The following BMP2K variants were observed in gnomAD, a reference collection of about 807,000 sequenced individuals.
BMP2K encodes the protein BMP-2-inducible protein kinase.
A neutral mutation model predicts 116.0 loss-of-function variants in BMP2K; 74 were observed. That is an observed-to-expected ratio of 0.64 (90% CI 0.53 to 0.77). BMP2K has a LOEUF of 0.77. BMP2K is among the 30% of genes least tolerant of loss of function. The pLI, the probability that BMP2K is intolerant of heterozygous loss-of-function variation, is 0.00. For missense variants in BMP2K, 1,365 were observed against 1,403.6 expected (o/e 0.97, Z 0.44); for synonymous variants, 486 against 502.5 (o/e 0.97, Z 0.44).
In BMP2K at chr4:78,911,624, G is replaced by A. The variant is rs1156649928; in HGVS notation, c.3077G>A (p.Arg1026His). Residue 1026 changes from arginine to histidine, a missense_variant, in exon 16 of 16, where the codon CGC becomes CAC. Coordinates refer to ENST00000502613, the MANE Select transcript of BMP2K (RefSeq NM_198892.2). ...ERARRHKKVG[R>H]RDSQSSNEFL... The stretch of plus-strand genomic sequence containing the variant: ...GCTCGCAGGCACAAAAAAGTGGGCC[G>A]CCGAGACTCTCAAAGTAGCAATGAA... The A allele has an allele frequency of 5.6e-6, 9 of 1,613,832 alleles. No individual in the cohort carries two copies. The highest frequency in any genetic ancestry group is 2.2e-5 in the East Asian group (1 of 44,886).
intron 9 of BMP2K, among the ~76,000 whole-genome samples, chr4:78,861,728 T>G (rs915974445): frequency 7.2e-5 from 11 of 152,030 alleles, no homozygotes; most frequent in African/African-American, 2.4e-4. Flanking sequence ...GCGGGTCTTT[T>G]TTTTGGACAG....
intron 5 of BMP2K, 68 bp downstream of exon 5, chr4:78,845,117 C>A: frequency 7.7e-7 from 1 of 1,296,766 alleles, no homozygotes; most frequent in African/African-American, 1.5e-5. Context: ...CTGGCCAGCA[C>A]TGCTAATACA....
chr4:78,829,640 T>C (rs1196667138), intron 2 of BMP2K, among the ~76,000 whole-genome samples: 1 of 152,164 alleles, frequency 6.6e-6, no homozygotes, highest in Non-Finnish European at 1.5e-5. Flanking sequence ...TCATTATTTA[T>C]GGCAGCTATA....
chr4:78,859,836 A>G, intron 8 of BMP2K, 149 bp downstream of exon 8: 1 of 627,580 alleles, frequency 1.6e-6, no homozygotes, highest in Non-Finnish European at 2.7e-6. Flanking sequence ...TGTGTTTGAT[A>G]TTTGTGGTAT....
intron 1 of BMP2K, among the ~76,000 whole-genome samples, chr4:78,810,170 CT>C (rs1446154447): frequency 6.6e-6 from 1 of 152,186 alleles, no homozygotes; most frequent in African/African-American, 2.4e-5. Flanking sequence ...AGTCTTCTAG[CT>C]TTTGCTGAGG....
At chr4:78,790,574 C>G (rs1727949544) in intron 1 of BMP2K, among the ~76,000 whole-genome samples, 2 of 152,092 alleles carry the variant, frequency 1.3e-5, no homozygotes, top group Admixed American at 1.3e-4. Flanking sequence ...TAAGAAGACT[C>G]AATATTGTCA....
intron 15 of BMP2K, among the ~76,000 whole-genome samples, chr4:78,898,320 A>G (rs1193815958): frequency 6.6e-6 from 1 of 152,100 alleles, no homozygotes; most frequent in Non-Finnish European, 1.5e-5. Context: ...CATAACATTT[A>G]CAGATTGTCA....
At chr4:78,895,645 A>G (rs1434651519) in intron 15 of BMP2K, among the ~76,000 whole-genome samples, 1 of 152,136 alleles carries the variant, frequency 6.6e-6, no homozygotes, top group Non-Finnish European at 1.5e-5. Flanking sequence ...GGAAGTTGGG[A>G]TGTAGATGGG....
chr4:78,912,249 T>C lies in BMP2K; in HGVS notation c.*216T>C, dbSNP rs1734679132. ...GAGAAAAGGGAGCTAAATTGCAAGC[T>C]CTAACTAAGGGTTTCTGCTACTGAC... On this transcript the variant is annotated 3_prime_UTR_variant, in exon 16 of 16. Coordinates refer to ENST00000502613, the MANE Select transcript of BMP2K (RefSeq NM_198892.2). 1.0e-5 allele frequency: 5 copies of C among 498,734 alleles called. No homozygotes were observed. Among genetic ancestry groups the C allele is most frequent in the Non-Finnish European group, 1.4e-5 (4 of 284,958 alleles). The allele number at this position is 498,734 out of a possible 1,614,324, so 30.9% of individuals were successfully genotyped here.
chr4:78,807,491 G>C (rs62310805), intron 1 of BMP2K, among the ~76,000 whole-genome samples: 3 of 151,798 alleles, frequency 2.0e-5, no homozygotes, highest in Admixed American at 6.6e-5. Context: ...TTGAGGATTG[G>C]TGTTAATTCA....
intron 9 of BMP2K, 49 bp from the exon 10 acceptor site, chr4:78,865,508 A>C: frequency 6.4e-7 from 1 of 1,553,092 alleles, no homozygotes; most frequent in Non-Finnish European, 8.9e-7. Context: ...TAAATAGTAA[A>C]TTAGAAATAA....
intron 8 of BMP2K, chr4:78,860,211 G>T: frequency 2.6e-6 from 1 of 384,124 alleles, no homozygotes; most frequent in Non-Finnish European, 5.0e-6. Flanking sequence ...GATGAAGGAT[G>T]AGAAGTTACC....
intron 13 of BMP2K, among the ~76,000 whole-genome samples, chr4:78,873,474 T>G (rs919747715): frequency 1.3e-5 from 2 of 152,210 alleles, no homozygotes; most frequent in Non-Finnish European, 2.9e-5. Flanking sequence ...AGACTTCTGT[T>G]ACATGAACAC....
chr4:78,895,746 T>G (rs1053340241), intron 15 of BMP2K, among the ~76,000 whole-genome samples: 5 of 152,146 alleles, frequency 3.3e-5, no homozygotes, highest in Admixed American at 6.5e-5. Context: ...ACTCTAATTT[T>G]TATATGAACA....
At chr4:78,850,410 A>G (rs1313834158) in intron 6 of BMP2K, among the ~76,000 whole-genome samples, 3 of 151,904 alleles carry the variant, frequency 2.0e-5, no homozygotes, top group African/African-American at 7.2e-5. Flanking sequence ...TATATCTAGA[A>G]ACACAGAACT....
At position 78,871,001 on chromosome 4, in the gene BMP2K, C is replaced by G; in HGVS notation, c.1450C>G (p.Gln484Glu). ...QQQQQQQQQQ[Q>E]QQHHHHHHHH... is the part of the protein sequence containing the mutation. ...ACAGCAACAGCAGCAGCAGCAGCAG[C>G]AGCAGCAGCACCACCACCACCACCA... The change falls in exon 11 of 16, where the codon CAG (glutamine) becomes GAG (glutamate). Residue 484 changes from glutamine to glutamate, a missense_variant. Coordinates refer to ENST00000502613, the MANE Select transcript of BMP2K (RefSeq NM_198892.2). 1.3e-6 allele frequency: 2 copies of G among 1,591,178 alleles called. No individual in the cohort carries two copies. The highest frequency in any genetic ancestry group is 1.7e-6 in the Non-Finnish European group (2 of 1,164,934).
chr4:78,795,311 T>C (rs1728200740), intron 1 of BMP2K, among the ~76,000 whole-genome samples: 1 of 152,216 alleles, frequency 6.6e-6, no homozygotes, highest in Admixed American at 6.5e-5. Context: ...AGAAGAGCTC[T>C]CTAATTATCT....
intron 1 of BMP2K, 135 bp from the exon 2 acceptor site, chr4:78,825,902 A>G: frequency 1.5e-6 from 1 of 651,024 alleles, no homozygotes; most frequent in South Asian, 2.0e-5. Flanking sequence ...TTAATCTACT[A>G]GTAGCTTATT....
At chr4:78,902,164 G>A (rs1560554807) in intron 15 of BMP2K, among the ~76,000 whole-genome samples, 1 of 152,136 alleles carries the variant, frequency 6.6e-6, no homozygotes, top group Admixed American at 6.6e-5. Flanking sequence ...TATACATAGA[G>A]TAGAAAATGA....
Sources: allele counts gnomAD v4.1 joint callset (sites outside exome capture counted in the v4.1 genomes callset), GRCh38; gene constraint gnomAD v4.1.1; transcripts MANE v1.5; gene names NCBI Gene and HGNC (gene_info 2026-07-23, HGNC 2026-07-21).